Variants in CTNNA3 observed in about 807,000 individuals in gnomAD.
CTNNA3 encodes catenin alpha-3.
A neutral mutation model predicts 95.7 loss-of-function variants in CTNNA3; 76 were observed. The observed-to-expected ratio is 0.79, with a 90% confidence interval of 0.66 to 0.96. The LOEUF (loss-of-function observed/expected upper bound fraction) is 0.96, where lower values mean the gene tolerates loss of function less well. Ranked by LOEUF, CTNNA3 falls within the 40% of genes least tolerant of loss-of-function variation. CTNNA3 has a pLI of 0.00. For missense variants in CTNNA3, 1,191 were observed against 1,089.8 expected (o/e 1.09, Z -1.31); for synonymous variants, 431 against 374.4 (o/e 1.15, Z -1.74).
At chr10:67,177,231 G>C (rs1439011947) in intron 7 of CTNNA3, among the ~76,000 whole-genome samples, 1 of 152,022 alleles carries the variant, frequency 6.6e-6, no homozygotes, top group Non-Finnish European at 1.5e-5. Context: ...TGAACTTATT[G>C]AACGTTGAGA....
At chr10:66,779,102 G>C (rs980869455) in intron 7 of CTNNA3, among the ~76,000 whole-genome samples, 5 of 152,088 alleles carry the variant, frequency 3.3e-5, no homozygotes, top group Non-Finnish European at 5.9e-5. Context: ...TCCCTCCTTT[G>C]CTCTAAAACC....
At chr10:66,316,101 T>C (rs2092096706) in intron 12 of CTNNA3, among the ~76,000 whole-genome samples, 5 of 152,112 alleles carry the variant, frequency 3.3e-5, no homozygotes, top group Admixed American at 3.3e-4. Context: ...AAAGAGACTT[T>C]CAATATTGAG....
At chr10:66,310,164 T>G (rs964375865) in intron 12 of CTNNA3, among the ~76,000 whole-genome samples, 7 of 151,766 alleles carry the variant, frequency 4.6e-5, no homozygotes, top group Non-Finnish European at 8.8e-5. Context: ...TCAATGGCCT[T>G]TTTTAGAATA....
chr10:66,378,916 G>T (rs928644317), intron 12 of CTNNA3, among the ~76,000 whole-genome samples: 1 of 152,122 alleles, frequency 6.6e-6, no homozygotes, highest in Non-Finnish European at 1.5e-5. Flanking sequence ...TCTGACTAAG[G>T]CCTGTGGGTA....
chr10:66,180,762 G>T (rs557034083), intron 13 of CTNNA3, among the ~76,000 whole-genome samples: 1 of 152,240 alleles, frequency 6.6e-6, no homozygotes, highest in East Asian at 1.9e-4. Flanking sequence ...ATGTAAAAAT[G>T]TTACGTCATC....
chr10:66,447,509 G>T (rs1254716531), intron 11 of CTNNA3, among the ~76,000 whole-genome samples: 1 of 149,806 alleles, frequency 6.7e-6, no homozygotes, highest in Non-Finnish European at 1.5e-5. Flanking sequence ...AGAGCCCTCA[G>T]AAATAATGCC....
chr10:66,186,588 G>T (rs1441884359), intron 13 of CTNNA3, among the ~76,000 whole-genome samples: 1 of 151,930 alleles, frequency 6.6e-6, no homozygotes, highest in Non-Finnish European at 1.5e-5. Context: ...GAGATTTAAA[G>T]AATTCTCACT....
chr10:67,699,670 G>A (rs1049069970), upstream of CTNNA3, among the ~76,000 whole-genome samples: 27 of 152,304 alleles, frequency 1.8e-4, no homozygotes, highest in African/African-American at 3.8e-4. Flanking sequence ...GAACAGCTCC[G>A]GTCTACAGCT....
intron 5 of CTNNA3, among the ~76,000 whole-genome samples, chr10:67,294,696 C>T (rs764485979): frequency 1.3e-5 from 2 of 152,064 alleles, no homozygotes; most frequent in Non-Finnish European, 2.9e-5. Context: ...TCTCAGTGAT[C>T]TCTTTTACTG....
At chr10:66,483,061 G>A (rs1839597109) in intron 11 of CTNNA3, among the ~76,000 whole-genome samples, 1 of 152,198 alleles carries the variant, frequency 6.6e-6, no homozygotes, top group East Asian at 1.9e-4. Flanking sequence ...AGCACTGTCA[G>A]AAACAGTCTG....
intron 1 of CTNNA3, among the ~76,000 whole-genome samples, chr10:67,650,722 G>C (rs1283818952): frequency 6.6e-6 from 1 of 152,164 alleles, no homozygotes; most frequent in African/African-American, 2.4e-5. Flanking sequence ...CTAGCTCATT[G>C]CTTGCCATTT....
intron 15 of CTNNA3, among the ~76,000 whole-genome samples, chr10:66,026,291 G>A (rs1056659761): frequency 2.0e-5 from 3 of 152,098 alleles, no homozygotes; most frequent in Admixed American, 6.6e-5. Context: ...AATCCTCTAT[G>A]TTCCTAAAAG....
At chr10:66,370,470 C>T (rs943588309) in intron 12 of CTNNA3, among the ~76,000 whole-genome samples, 3 of 152,136 alleles carry the variant, frequency 2.0e-5, no homozygotes, top group Admixed American at 2.0e-4. Flanking sequence ...CAGTAATTAT[C>T]TTTCAAAGAT....
chr10:67,458,361 A>G (rs893128847), intron 5 of CTNNA3, among the ~76,000 whole-genome samples: 2 of 152,088 alleles, frequency 1.3e-5, no homozygotes, highest in Non-Finnish European at 2.9e-5. Flanking sequence ...AGACCAGAAC[A>G]AAGAGTAACT....
At chr10:66,669,598 A>G (rs2132467662) in intron 9 of CTNNA3, among the ~76,000 whole-genome samples, 1 of 152,210 alleles carries the variant, frequency 6.6e-6, no homozygotes, top group African/African-American at 2.4e-5. Flanking sequence ...TAAAGTTTCC[A>G]TTTTGCCATT....
chr10:67,020,108 TA>T (rs1484801606), intron 7 of CTNNA3, among the ~76,000 whole-genome samples: 1 of 152,140 alleles, frequency 6.6e-6, no homozygotes, highest in African/African-American at 2.4e-5. Context: ...CGCCTTACAA[TA>T]AAAAACATGT....
intron 11 of CTNNA3, among the ~76,000 whole-genome samples, chr10:66,482,694 A>G (rs1839581273): frequency 6.6e-6 from 1 of 152,132 alleles, no homozygotes; most frequent in Non-Finnish European, 1.5e-5. Context: ...AATGGACATC[A>G]CAGTAGTCAA....
At chr10:66,281,269 T>G (rs958034889) in intron 12 of CTNNA3, among the ~76,000 whole-genome samples, 1 of 151,916 alleles carries the variant, frequency 6.6e-6, no homozygotes, top group Non-Finnish European at 1.5e-5. Flanking sequence ...ATCCATGGAT[T>G]ATCTTTTTAA....
intron 7 of CTNNA3, among the ~76,000 whole-genome samples, chr10:67,096,648 A>C (rs1202044685): frequency 6.6e-6 from 1 of 151,850 alleles, no homozygotes; most frequent in Non-Finnish European, 1.5e-5. Flanking sequence ...AACTATCTCT[A>C]GACTTTGATA....
Sources: allele counts gnomAD v4.1 joint callset (sites outside exome capture counted in the v4.1 genomes callset), GRCh38; gene constraint gnomAD v4.1.1; transcripts MANE v1.5; gene names NCBI Gene and HGNC (gene_info 2026-07-23, HGNC 2026-07-21).